Variants in ITGB4 observed in about 807,000 individuals in gnomAD.
The protein encoded by ITGB4 is integrin subunit beta 4, also known as integrin beta-4.
ITGB4 carries 159 observed loss-of-function variants against 207.6 expected under a neutral mutation model. The ratio of observed to expected loss-of-function variants is 0.77; its 90% CI spans 0.67 to 0.87. The LOEUF (loss-of-function observed/expected upper bound fraction) is 0.87. Ranked by LOEUF, ITGB4 falls within the 40% of genes least tolerant of loss-of-function variation. ITGB4 has a pLI of 0.00. For missense variants in ITGB4, 2,278 were observed against 2,546.8 expected (o/e 0.89, Z 2.27); for synonymous variants, 1,020 against 1,062.7 (o/e 0.96, Z 0.78).
intron 2 of ITGB4, among the ~76,000 whole-genome samples, chr17:75,726,568 C>T (rs2060721071): frequency 6.6e-6 from 1 of 151,790 alleles, no homozygotes; most frequent in Admixed American, 6.6e-5. Context: ...CCCATCTCTA[C>T]TAAAAATACA....
In ITGB4 at chr17:75,750,821, C is replaced by T; in HGVS notation, c.3616C>T (p.Pro1206Ser). 6.2e-7 allele frequency: 1 copy of T among 1,613,402 alleles called. No individual in the cohort carries two copies. The highest frequency in any genetic ancestry group is 1.3e-5 in the African/African-American group (1 of 75,024). ...VCAYGAQGEG[P>S]YSSLVSCRTH... ...CGCCTACGGGGCTCAGGGCGAGGGA[C>T]CCTACAGCTCCCTGGTGTCCTGCCG... The change falls in exon 29 of 40, where the codon CCC becomes TCC. Residue 1206 changes from proline to serine, a missense_variant. Physicochemically the swap from Pro to Ser is moderately conservative, Grantham distance 74. Coordinates refer to ENST00000200181, the MANE Select transcript of ITGB4 (RefSeq NM_000213.5). The surrounding 1 kb of genome is among the most constrained non-coding windows in gnomAD (Gnocchi z 5.5).
chr17:75,728,310 T>TG, intron 5 of ITGB4, 67 bp from the exon 6 acceptor site: 1 of 1,375,806 alleles, frequency 7.3e-7, no homozygotes, highest in Non-Finnish European at 1.0e-6. Flanking sequence ...CAGCCCTTGG[T>TG]GGGGGGCCCG....
At chr17:75,721,883 C>T (rs892618725) in intron 1 of ITGB4, among the ~76,000 whole-genome samples, 5 of 152,246 alleles carry the variant, frequency 3.3e-5, no homozygotes, top group African/African-American at 1.2e-4. Context: ...AGGCCAGTGG[C>T]TGGTAGCCCT....
intron 26 of ITGB4, 74 bp downstream of exon 26, chr17:75,743,935 A>G (rs1327492454): frequency 4.7e-6 from 7 of 1,478,452 alleles, no homozygotes; most frequent in Non-Finnish European, 6.4e-6. Context: ...CCCAAGACAA[A>G]GCAGCACATG....
Position 75,756,701 on chromosome 17 carries a change from C to G in ITGB4, c.4898-3C>G. The G allele has an allele frequency of 6.2e-7, 1 of 1,613,480 alleles. No individual in the cohort carries two copies. ...GCTGATGCTCTTCCTCTACTGCCCC[C>G]AGGCTCCGCCTTCACTTTGAGCACT... On this transcript the variant is annotated splice_polypyrimidine_tract_variant and splice_region_variant and intron_variant, in intron 36 of 39. Coordinates refer to ENST00000200181, the MANE Select transcript of ITGB4 (RefSeq NM_000213.5).
intron 36 of ITGB4, 35 bp downstream of exon 36, chr17:75,756,652 A>G: frequency 6.2e-7 from 1 of 1,611,656 alleles, no homozygotes; most frequent in Non-Finnish European, 8.5e-7. Context: ...AGCTGCCCCC[A>G]TCATGCCCAC....
intron 13 of ITGB4, among the ~76,000 whole-genome samples, chr17:75,735,621 C>A (rs899973738): frequency 5.3e-5 from 8 of 151,644 alleles, no homozygotes; most frequent in African/African-American, 1.9e-4. Flanking sequence ...CCATGTTGGC[C>A]AGGATGGTCT....
Position 75,739,071 on chromosome 17 carries a change from G to A in ITGB4, c.2221-601G>A, listed in dbSNP as rs909445210. Among the ~76,000 whole-genome samples, 5 of 152,118 alleles carry A rather than the reference G, an allele frequency of 3.3e-5. No homozygotes were observed. The highest frequency in any genetic ancestry group is 6.5e-5 in the Admixed American group (1 of 15,272). On this transcript the variant is annotated intron_variant, in intron 18 of 39. Coordinates refer to ENST00000200181, the MANE Select transcript of ITGB4 (RefSeq NM_000213.5). The surrounding 1 kb of genome is among the most constrained non-coding windows in gnomAD (Gnocchi z 5.4). ...AGCACTTTGGGAGGCCAAGGCGGGT[G>A]GATCACTTGAGGTCAGGAGTTGGAG... is the stretch of plus-strand genomic sequence containing the variant.
At position 75,733,669 on chromosome 17, in the gene ITGB4, G is replaced by A. The variant is rs1478257709; in HGVS notation, c.1634G>A (p.Arg545His). Residue 545 changes from arginine (R) to histidine (H), a missense_variant, in exon 13 of 40, where the codon CGC (arginine) becomes CAC (histidine). Physicochemically the swap from Arg to His is conservative, Grantham distance 29 (BLOSUM62 0). Coordinates refer to ENST00000200181, the MANE Select transcript of ITGB4 (RefSeq NM_000213.5). ...GAGTATGACAACTTCCAGTGTCCCC[G>A]CACTTCCGGGTTCCTCTGCAATGGT... ...FCEYDNFQCP[R>H]TSGFLCNDRG... The A allele has an allele frequency of 7.4e-6, 12 of 1,614,070 alleles. No homozygotes were observed. The East Asian group carries it at 1.8e-4, about 24-fold the overall frequency.
At chr17:75,753,420 C>T (rs1243399243) in intron 32 of ITGB4, among the ~76,000 whole-genome samples, 1 of 152,184 alleles carries the variant, frequency 6.6e-6, no homozygotes, top group Non-Finnish European at 1.5e-5. Context: ...ATTGTACAAA[C>T]GGGAAACTGA....
At chr17:75,748,361 C>T (rs945919953) in intron 26 of ITGB4, among the ~76,000 whole-genome samples, 1 of 150,058 alleles carries the variant, frequency 6.7e-6, no homozygotes, top group African/African-American at 2.5e-5. Flanking sequence ...GACCCTGTCT[C>T]AAAAACAAAC....
intron 2 of ITGB4, among the ~76,000 whole-genome samples, chr17:75,726,593 A>T (rs932408878): frequency 1.3e-5 from 2 of 151,872 alleles, no homozygotes; most frequent in African/African-American, 4.8e-5. Context: ...TTAGCCAGGC[A>T]TGGTGGTGCC....
chr17:75,729,510 T>C lies in ITGB4; in HGVS notation c.738+74T>C, dbSNP rs536230542. On this transcript the variant is annotated intron_variant, in intron 7 of 39. Transcript: ENST00000200181. The surrounding 1 kb of genome is among the most constrained non-coding windows in gnomAD (Gnocchi z 4.4). Reference sequence around the variant, plus strand: ...CTGGGCAAGGGCCTGAGCTGCCCCCTGGCCTGCTCTGGTGCCAGGCTCACA... The same window carrying C: ...CTGGGCAAGGGCCTGAGCTGCCCCCCGGCCTGCTCTGGTGCCAGGCTCACA... 3.9e-4 allele frequency: 570 copies of C among 1,475,002 alleles called. 2 individuals are homozygous for C. In the African/African-American group the frequency reaches 6.8e-3, roughly 17 times the overall value. 91.4% of individuals were successfully genotyped at this position (1,475,002 alleles called of 1,614,324 possible).
Position 75,732,069 on chromosome 17 carries a change from G to T in ITGB4, c.1378-94G>T. 1 of 1,605,968 alleles carries T rather than the reference G, an allele frequency of 6.2e-7. No homozygotes were observed. The highest frequency in any genetic ancestry group is 8.5e-7 in the Non-Finnish European group (1 of 1,173,148). Reference sequence around the variant, plus strand: ...AGGACTCCTGTGCCCCATATCCCTTGTGGGGTTTCCCGAGGCACACAGGAG... The same window carrying T: ...AGGACTCCTGTGCCCCATATCCCTTTTGGGGTTTCCCGAGGCACACAGGAG... On this transcript the variant is annotated intron_variant, in intron 11 of 39. Coordinates refer to ENST00000200181, the MANE Select transcript of ITGB4 (RefSeq NM_000213.5). This position sits in a 1 kb window ranked among gnomAD's most constrained non-coding sequence, Gnocchi z 5.3.
chr17:75,757,024 A>G lies in ITGB4; in HGVS notation c.5135A>G (p.Tyr1712Cys). 3 of 1,612,922 alleles carry G rather than the reference A, an allele frequency of 1.9e-6. No individual in the cohort carries two copies. The highest frequency in any genetic ancestry group is 2.5e-6 in the Non-Finnish European group (3 of 1,179,942). Residue 1712 changes from tyrosine (Y) to cysteine (C), a missense_variant, in exon 38 of 40, where the codon TAC becomes TGC. Tyr to Cys is a radical substitution (Grantham distance 194, BLOSUM62 -2). Transcript: ENST00000200181. The stretch of plus-strand genomic sequence containing the variant: ...CCGGGCCTCAGCGAGAACGTGCCCT[A>G]CAAGTTCAAGGTGCAGGCCAGGACC... ...TVPGLSENVP[Y>C]KFKVQARTTE...
chr17:75,744,367 G>A (rs1364226840), intron 26 of ITGB4, among the ~76,000 whole-genome samples: 3 of 151,716 alleles, frequency 2.0e-5, no homozygotes, highest in Admixed American at 6.6e-5. Flanking sequence ...TGATCCGCCC[G>A]CCTTGGCCTC....
At chr17:75,723,369 G>C (rs927265000) in intron 1 of ITGB4, among the ~76,000 whole-genome samples, 2 of 152,204 alleles carry the variant, frequency 1.3e-5, no homozygotes, top group Admixed American at 6.5e-5. Flanking sequence ...GGAAGAGCTG[G>C]GCTCAGCTCT....
Position 75,742,770 on chromosome 17 carries a change from G to A in ITGB4, c.2962+9G>A. 1 of 1,604,214 alleles carries A rather than the reference G, an allele frequency of 6.2e-7. No individual in the cohort carries two copies. The highest frequency in any genetic ancestry group is 8.5e-7 in the Non-Finnish European group (1 of 1,178,634). On this transcript the variant is annotated intron_variant, in intron 25 of 39. Coordinates refer to ENST00000200181, the MANE Select transcript of ITGB4 (RefSeq NM_000213.5). The surrounding 1 kb of genome is among the most constrained non-coding windows in gnomAD (Gnocchi z 5.9). The stretch of plus-strand genomic sequence containing the variant: ...CATCATCAAGGAGCAAGGTGGGTCT[G>A]GGTGGGGAGAGTGGGGAAGGCAGAC...
chr17:75,743,954 T>G, intron 26 of ITGB4, 93 bp downstream of exon 26: 1 of 1,381,712 alleles, frequency 7.2e-7, no homozygotes, highest in Non-Finnish European at 9.9e-7. Flanking sequence ...TGGCAGCTGC[T>G]TGAGTCCCTG....
Sources: gnomAD v4.1 joint callset for allele counts (sites outside exome capture counted in the v4.1 genomes callset) on GRCh38, gnomAD v4.1.1 for gene constraint, Gnocchi (gnomAD v3.1) non-coding constraint, MANE v1.5 for transcripts, NCBI Gene and HGNC (gene_info 2026-07-23, HGNC 2026-07-21) for gene names.